Variants in MCFD2 observed in about 807,000 individuals in gnomAD.
MCFD2 encodes multiple coagulation factor deficiency protein 2.
A neutral mutation model predicts 12.8 loss-of-function variants in MCFD2; 11 were observed. The observed-to-expected ratio is 0.86, with a 90% CI of 0.54 to 1.42. The LOEUF (loss-of-function observed/expected upper bound fraction) is 1.42. Among genes scored for constraint, MCFD2 ranks in the 40% most tolerant of loss-of-function variants. The pLI is 0.00. For synonymous variants in MCFD2, 70 were observed against 68.1 expected (o/e 1.03, Z -0.14); for missense variants, 191 against 178.6 (o/e 1.07, Z -0.40).
intron 1 of MCFD2, among the ~76,000 whole-genome samples, chr2:46,923,146 C>T (rs1234600181): frequency 2.6e-5 from 4 of 152,214 alleles, no homozygotes; most frequent in Non-Finnish European, 5.9e-5. Context: ...TCCTGTCAGC[C>T]TCCATGTGTT....
Position 46,915,778 on chromosome 2 carries a change from C to G in MCFD2, c.-62G>C. 2 of 978,404 alleles carry G rather than the reference C, an allele frequency of 2.0e-6. No individual in the cohort carries two copies. The highest frequency in any genetic ancestry group is 2.4e-6 in the Non-Finnish European group (2 of 824,574). The allele number at this position is 978,404 out of a possible 1,614,324, so 60.6% of individuals were successfully genotyped here. ...CTCCAACGTGAGCCTCACCAGCCCC[C>G]GTCCCCAAAACGCTCTTCCTCGGCT... On this transcript the variant is annotated 5_prime_UTR_variant, in exon 1 of 4. Transcript: ENST00000319466.
At chr2:46,909,959 GC>G in intron 1 of MCFD2, among the ~76,000 whole-genome samples, 1 of 152,338 alleles carries the variant, frequency 6.6e-6, no homozygotes, top group South Asian at 2.1e-4. Context: ...AGTGGCAAAA[GC>G]AAGACTAGAG....
Position 46,941,487 on chromosome 2 carries a change from C to G in MCFD2, c.-8+85G>C. The G allele has an allele frequency of 2.0e-6, 3 of 1,523,424 alleles. No individual in the cohort carries two copies. Among genetic ancestry groups the G allele is most frequent in the Admixed American group, 2.0e-5 (1 of 49,362 alleles). 94.4% of individuals were successfully genotyped at this position (1,523,424 alleles called of 1,614,324 possible). ...AGTGCGCCCCAGCCAGGACGCCGCC[C>G]CCGGCCGGGTCTCCACTTCTTGGCC... On this transcript the variant is annotated intron_variant, in intron 1 of 2. Transcript: ENST00000409147. This position sits in a 1 kb window ranked among gnomAD's most constrained non-coding sequence, Gnocchi z 4.2.
At chr2:46,933,033 C>A (rs1279317005) in intron 1 of MCFD2, among the ~76,000 whole-genome samples, 1 of 152,146 alleles carries the variant, frequency 6.6e-6, no homozygotes, top group Non-Finnish European at 1.5e-5. Context: ...CTAAGCTGCA[C>A]TGAAAAGGCT....
chr2:46,939,578 T>TG (rs918978837), intron 1 of MCFD2, among the ~76,000 whole-genome samples: 6 of 152,132 alleles, frequency 3.9e-5, no homozygotes. Flanking sequence ...CTCTACAACC[T>TG]GGGGGCAGGG....
At chr2:46,915,806 G>GGGGGGGGGGGGGGGGCCCCC, upstream of MCFD2, 1 of 512,580 alleles carries the variant, frequency 2.0e-6, no homozygotes, top group Non-Finnish European at 2.1e-6. Context: ...CCTCGGCTTC[G>GGGGGGGGGGGGGGGGCCCCC]CCCCGCCCCC....
intron 1 of MCFD2, among the ~76,000 whole-genome samples, chr2:46,924,014 G>T (rs1669254053): frequency 6.6e-6 from 1 of 151,960 alleles, no homozygotes; most frequent in South Asian, 2.1e-4. Context: ...GGGATTACAG[G>T]TGTGAGCCAC....
At chr2:46,912,715 A>T (rs1668535814) in intron 1 of MCFD2, 1 of 152,228 alleles carries the variant, frequency 6.6e-6, no homozygotes, top group Admixed American at 6.5e-5. Flanking sequence ...AATTCTTGAA[A>T]AACTGCCTGA....
chr2:46,934,951 C>G (rs1051446844), intron 1 of MCFD2, among the ~76,000 whole-genome samples: 1 of 151,858 alleles, frequency 6.6e-6, no homozygotes, highest in African/African-American at 2.4e-5. Context: ...CAGGCGCGCA[C>G]CACCACGTCC....
chr2:46,921,155 C>A (rs1669083003), intron 1 of MCFD2, among the ~76,000 whole-genome samples: 1 of 152,044 alleles, frequency 6.6e-6, no homozygotes, highest in African/African-American at 2.4e-5. Flanking sequence ...TTAGTATATT[C>A]ATTATACTAG....
intron 1 of MCFD2, among the ~76,000 whole-genome samples, chr2:46,909,811 G>T (rs35433380): frequency 0.27 from 41,449 of 152,122 alleles, 7,675 homozygotes; most frequent in African/African-American, 0.52. Flanking sequence ...GTACTGGACA[G>T]GGCTTTGCAC....
chr2:46,926,048 G>A (rs1325626254), intron 1 of MCFD2, among the ~76,000 whole-genome samples: 1 of 152,166 alleles, frequency 6.6e-6, no homozygotes, highest in Non-Finnish European at 1.5e-5. Flanking sequence ...CTCACTTGAG[G>A]TGCCCTTAGT....
In MCFD2 at chr2:46,908,134, T is replaced by TGCTCC. The variant is rs1668324554; in HGVS notation, c.150-166_150-165insGGAGC. ...GGATTACACAGAGATAGACAAGGCCTTGAGAGGAGCAGGAAAAGTCAAATA... is the reference window on the plus strand; with the variant it reads ...GGATTACACAGAGATAGACAAGGCCTGCTCCTGAGAGGAGCAGGAAAAGTCAAATA... On this transcript the variant is annotated intron_variant, in intron 2 of 3. Transcript: ENST00000319466. The surrounding 1 kb of genome is among the most constrained non-coding windows in gnomAD (Gnocchi z 4.5). 2 of 741,566 alleles carry TGCTCC rather than the reference T, an allele frequency of 2.7e-6. No individual in the cohort carries two copies. Among genetic ancestry groups the TGCTCC allele is most frequent in the Non-Finnish European group, 4.7e-6 (2 of 430,020 alleles). The allele number at this position is 741,566 out of a possible 1,614,324, so 45.9% of individuals were successfully genotyped here.
At chr2:46,911,626 A>G (rs1295482250) in intron 1 of MCFD2, among the ~76,000 whole-genome samples, 1 of 152,112 alleles carries the variant, frequency 6.6e-6, no homozygotes, top group African/African-American at 2.4e-5. Flanking sequence ...ACATGAGATT[A>G]GAATTGTGAT....
intron 1 of MCFD2, among the ~76,000 whole-genome samples, chr2:46,914,987 G>C (rs1024407130): frequency 9.2e-5 from 14 of 152,196 alleles, no homozygotes; most frequent in Non-Finnish European, 2.9e-5. Context: ...CCACCAAAGG[G>C]TGATAAGGGA....
chr2:46,939,655 T>A (rs1670166634), intron 1 of MCFD2, among the ~76,000 whole-genome samples: 1 of 152,164 alleles, frequency 6.6e-6, no homozygotes, highest in South Asian at 2.1e-4. Context: ...CGCCTCCCTC[T>A]TATCAACCCT....
At chr2:46,928,552 T>A (rs1245005396) in intron 1 of MCFD2, among the ~76,000 whole-genome samples, 1 of 151,470 alleles carries the variant, frequency 6.6e-6, no homozygotes, top group African/African-American at 2.4e-5. Context: ...GGTGGATTGC[T>A]GGAACTCAGG....
In MCFD2 at chr2:46,937,786, TG is replaced by T. The variant is rs1670054827; in HGVS notation, c.-8+3785del. On this transcript the variant is annotated intron_variant, in intron 1 of 2. Transcript: ENST00000409147. The surrounding 1 kb of genome is among the most constrained non-coding windows in gnomAD (Gnocchi z 4.0). ...GATTGCATAGGAAGCTGAAGGGGTT[TG>T]GGGAAGCTGTGAACGTTAGTCAAGG... Among the ~76,000 whole-genome samples, 1 of 152,210 alleles carries T rather than the reference TG, an allele frequency of 6.6e-6. No individual in the cohort carries two copies. Among genetic ancestry groups the T allele is most frequent in the African/African-American group, 2.4e-5 (1 of 41,446 alleles).
At chr2:46,917,490 A>G (rs6729120), upstream of MCFD2, among the ~76,000 whole-genome samples, 9,028 of 152,186 alleles carry the variant, frequency 0.059, 459 homozygotes, top group African/African-American at 0.13. Flanking sequence ...AATATCTTCT[A>G]TGTACTAGGC....
Sources: gnomAD v4.1 joint callset for allele counts (sites outside exome capture counted in the v4.1 genomes callset) on GRCh38, gnomAD v4.1.1 for gene constraint, Gnocchi (gnomAD v3.1) non-coding constraint, MANE v1.5 for transcripts, NCBI Gene and HGNC (gene_info 2026-07-23, HGNC 2026-07-21) for gene names.